ZFAND3: variants seen among roughly 807,000 people sequenced by gnomAD.
ZFAND3 encodes the protein AN1-type zinc finger protein 3.
Under a neutral mutation model 29.6 loss-of-function variants are expected in ZFAND3, and 10 were observed. The ratio of observed to expected loss-of-function variants is 0.34; its 90% CI spans 0.21 to 0.57. The LOEUF is 0.57. ZFAND3 is among the 20% of genes least tolerant of loss of function. The probability of loss-of-function intolerance (pLI) is 0.86; values close to 1 mark genes in which losing one functional copy is unlikely to be tolerated. For missense variants in ZFAND3, 230 were observed against 304.5 expected, an observed-to-expected ratio of 0.76 and a Z score of 1.82; for synonymous variants, 128 against 112.6, an observed-to-expected ratio of 1.14 and a Z score of -0.87.
intron 2 of ZFAND3, among the ~76,000 whole-genome samples, chr6:37,938,906 T>A (rs1200043736): frequency 6.6e-6 from 1 of 152,184 alleles, no homozygotes; most frequent in African/African-American, 2.4e-5. Context: ...TGTTAGAGTA[T>A]GATAGGGAAA....
At chr6:38,068,632 C>A (rs1764391507) in intron 3 of ZFAND3, among the ~76,000 whole-genome samples, 2 of 152,122 alleles carry the variant, frequency 1.3e-5, no homozygotes, top group Admixed American at 1.3e-4. Context: ...GAACTCTGGG[C>A]CTTTTGCATC....
At chr6:37,920,554 G>C (rs1285389774) in intron 1 of ZFAND3, among the ~76,000 whole-genome samples, 1 of 152,118 alleles carries the variant, frequency 6.6e-6, no homozygotes, top group Non-Finnish European at 1.5e-5. Flanking sequence ...ATTTTGCTCT[G>C]CTGTCCTTGA....
chr6:37,928,807 C>T (rs1032009916), intron 1 of ZFAND3, among the ~76,000 whole-genome samples: 5 of 152,182 alleles, frequency 3.3e-5, no homozygotes, highest in Admixed American at 1.3e-4. Context: ...CGTGAGCCAC[C>T]GTGCCTGGCC....
chr6:37,883,792 G>A (rs947580024), intron 1 of ZFAND3, among the ~76,000 whole-genome samples: 3 of 145,368 alleles, frequency 2.1e-5, no homozygotes, highest in Non-Finnish European at 4.4e-5. Flanking sequence ...CACCTGTCTC[G>A]GCCTCCCAAA....
At chr6:38,016,992 C>G (rs1763263043) in intron 2 of ZFAND3, among the ~76,000 whole-genome samples, 1 of 152,206 alleles carries the variant, frequency 6.6e-6, no homozygotes, top group Non-Finnish European at 1.5e-5. Context: ...CTTCCCTTTT[C>G]TAACCTGGCA....
At chr6:37,985,136 A>G (rs80068566) in intron 2 of ZFAND3, among the ~76,000 whole-genome samples, 10,164 of 152,260 alleles carry the variant, frequency 0.067, 410 homozygotes, top group Non-Finnish European at 0.087. Flanking sequence ...CACTAGAGGA[A>G]TGTGATACTC....
intron 4 of ZFAND3, among the ~76,000 whole-genome samples, chr6:38,084,033 A>T (rs1179902296): frequency 6.6e-6 from 1 of 152,128 alleles, no homozygotes; most frequent in African/African-American, 2.4e-5. Context: ...GCACTCATAA[A>T]CTTAAGTATA....
intron 2 of ZFAND3, among the ~76,000 whole-genome samples, chr6:38,014,938 A>G (rs985414300): frequency 6.6e-6 from 1 of 152,222 alleles, no homozygotes; most frequent in Non-Finnish European, 1.5e-5. Flanking sequence ...CAGTTCTGCA[A>G]ATTTAGAAAA....
intron 1 of ZFAND3, among the ~76,000 whole-genome samples, chr6:37,854,258 C>CT (rs1258544213): frequency 6.6e-6 from 1 of 152,154 alleles, no homozygotes; most frequent in African/African-American, 2.4e-5. Context: ...GCTTGCCTTT[C>CT]TTTTTAGTGG....
chr6:37,860,655 TTTAAGTAGGTTTAGA>T (rs1764471688), intron 1 of ZFAND3, among the ~76,000 whole-genome samples: 3 of 144,428 alleles, frequency 2.1e-5, no homozygotes, highest in African/African-American at 8.0e-5. Flanking sequence ...TTTTTTTTTT[TTTAAGTAGGTTTAGA>T]TTTTAGTTAA....
chr6:38,002,204 A>G (rs1034669148), intron 2 of ZFAND3, among the ~76,000 whole-genome samples: 3 of 152,114 alleles, frequency 2.0e-5, no homozygotes, highest in Admixed American at 6.5e-5. Context: ...TGCAAGCTCA[A>G]TGAAGACATA....
At chr6:37,985,439 G>A (rs1334330515) in intron 2 of ZFAND3, among the ~76,000 whole-genome samples, 1 of 151,872 alleles carries the variant, frequency 6.6e-6, no homozygotes, top group Non-Finnish European at 1.5e-5. Context: ...ACCAGCCTGG[G>A]CAACATGGTG....
intron 5 of ZFAND3, among the ~76,000 whole-genome samples, chr6:38,150,838 G>C (rs1257667619): frequency 6.6e-6 from 1 of 152,192 alleles, no homozygotes; most frequent in Non-Finnish European, 1.5e-5. Context: ...TGGGCAGGCT[G>C]CTGTGGGATG....
At chr6:37,917,814 A>G (rs865896188) in intron 1 of ZFAND3, among the ~76,000 whole-genome samples, 3 of 152,152 alleles carry the variant, frequency 2.0e-5, no homozygotes, top group East Asian at 1.9e-4. Flanking sequence ...CTCTTTCACA[A>G]ACTCCCTGAG....
intron 4 of ZFAND3, among the ~76,000 whole-genome samples, chr6:38,105,911 A>G (rs1373447603): frequency 6.6e-6 from 1 of 152,184 alleles, no homozygotes; most frequent in East Asian, 1.9e-4. Flanking sequence ...ATATCACAGA[A>G]GGAAAACTGA....
intron 3 of ZFAND3, among the ~76,000 whole-genome samples, chr6:38,074,473 C>G (rs1358796508): frequency 1.3e-5 from 2 of 152,018 alleles, no homozygotes; most frequent in Admixed American, 1.3e-4. Flanking sequence ...TTTAAAAGTT[C>G]TCAAGACAGA....
chr6:38,029,620 A>C (rs1046627002), intron 2 of ZFAND3, among the ~76,000 whole-genome samples: 12 of 152,200 alleles, frequency 7.9e-5, no homozygotes, highest in African/African-American at 2.7e-4. Context: ...TTGAAGAGAC[A>C]TTCCCCCTCA....
At chr6:38,099,335 T>C (rs1398466895) in intron 4 of ZFAND3, among the ~76,000 whole-genome samples, 1 of 152,206 alleles carries the variant, frequency 6.6e-6, no homozygotes, top group Non-Finnish European at 1.5e-5. Context: ...GCCAAGTGCC[T>C]CTGTGGGTTC....
intron 2 of ZFAND3, among the ~76,000 whole-genome samples, chr6:38,021,217 G>T (rs1368311991): frequency 6.6e-6 from 1 of 152,164 alleles, no homozygotes; most frequent in Non-Finnish European, 1.5e-5. Context: ...AAATCTGTTA[G>T]ATTAGAGCAA....
Sources: allele counts gnomAD v4.1 joint callset (sites outside exome capture counted in the v4.1 genomes callset), GRCh38; gene constraint gnomAD v4.1.1; transcripts MANE v1.5; gene names NCBI Gene and HGNC (gene_info 2026-07-23, HGNC 2026-07-21).